The following CRTAC1 variants were observed in gnomAD, a reference collection of about 807,000 sequenced individuals.
The protein encoded by CRTAC1 is acidic secreted protein in cartilage.
Under a neutral mutation model 67.8 loss-of-function variants are expected in CRTAC1, and 37 were observed. The observed-to-expected ratio is 0.55, with a 90% confidence interval of 0.42 to 0.72. The LOEUF is 0.72. Among genes scored for constraint, CRTAC1 ranks in the 30% least tolerant of loss-of-function variants. CRTAC1 has a pLI of 0.00. For missense variants in CRTAC1, 780 were observed against 931.6 expected (o/e 0.84, Z 2.12); for synonymous variants, 348 against 371.0 (o/e 0.94, Z 0.71).
intron 5 of CRTAC1, among the ~76,000 whole-genome samples, chr10:97,910,671 C>T (rs972002652): frequency 1.7e-4 from 26 of 152,200 alleles, no homozygotes; most frequent in Non-Finnish European, 3.1e-4. Context: ...CAGGGGTTCT[C>T]TTGGTCTCTA....
Position 97,943,079 on chromosome 10 carries a change from A to AAAAAGTG in CRTAC1, c.225-6720_225-6714dup, listed in dbSNP as rs2051202624. ...AGAGCAAGACCCTGTCTTCAAAAAAAAAAAGTGAAAAGTGAAAAGAATATA... is the reference window on the plus strand; with the variant it reads ...AGAGCAAGACCCTGTCTTCAAAAAAAAAAAGTGAAAAGTGAAAAGTGAAAAGAATATA... On this transcript the variant is annotated intron_variant, in intron 2 of 14. Transcript: ENST00000370597. Among the ~76,000 whole-genome samples the AAAAAGTG allele has an allele frequency of 2.0e-5, 3 of 152,156 alleles. No homozygotes were observed. In the South Asian group the frequency reaches 6.2e-4, roughly 32 times the overall value.
intron 14 of CRTAC1, chr10:97,867,931 T>TG (rs1277296105): frequency 6.6e-6 from 1 of 152,240 alleles, no homozygotes; most frequent in African/African-American, 2.4e-5. Flanking sequence ...CTGGAATCTT[T>TG]GGGGCACTTG....
chr10:97,865,608 G>A lies in CRTAC1; in HGVS notation c.1926C>T (p.Leu642=), dbSNP rs901352162. The A allele has an allele frequency of 5.0e-6, 8 of 1,613,570 alleles. No homozygotes were observed. Among genetic ancestry groups the A allele is most frequent in the Middle Eastern group, 3.3e-4 (2 of 6,056 alleles). ...ACCCCAGATTGAGATCTCCATCTAC[G>A]AGGACCGGTGCAGCAGTGGCAGCTC... is the stretch of plus-strand genomic sequence containing the variant. The part of the protein sequence containing the change: ...AAGAATAAPV[L]VDGDLNLGSV... The change falls in exon 15 of 15, where the codon CTC becomes CTT. Residue 642 remains leucine, a synonymous_variant. Coordinates refer to ENST00000370597, the MANE Select transcript of CRTAC1 (RefSeq NM_018058.7).
chr10:98,012,303 G>A (rs888868961), intron 1 of CRTAC1, among the ~76,000 whole-genome samples: 1 of 152,084 alleles, frequency 6.6e-6, no homozygotes, highest in Non-Finnish European at 1.5e-5. Context: ...GGAGGTGGAG[G>A]GATTCCACCC....
chr10:97,941,000 A>G (rs762033762), intron 2 of CRTAC1, among the ~76,000 whole-genome samples: 1 of 152,178 alleles, frequency 6.6e-6, no homozygotes, highest in South Asian at 2.1e-4. Context: ...CTTTATTCCC[A>G]TGTAAAACCA....
chr10:97,943,496 C>T (rs190217430), intron 2 of CRTAC1, among the ~76,000 whole-genome samples: 6 of 152,300 alleles, frequency 3.9e-5, no homozygotes, highest in South Asian at 4.2e-4. Context: ...TTCCTCTAAA[C>T]GTTTTTAAAA....
intron 3 of CRTAC1, among the ~76,000 whole-genome samples, chr10:97,932,754 G>A (rs750632068): frequency 1.7e-4 from 26 of 152,316 alleles, no homozygotes; most frequent in South Asian, 4.1e-4. Context: ...TGCTGTAAGC[G>A]ATGGGAAGGG....
intron 14 of CRTAC1, chr10:97,878,459 T>TG (rs2050171833): frequency 6.8e-6 from 3 of 440,272 alleles, no homozygotes; most frequent in South Asian, 3.6e-5. Flanking sequence ...GCTTTTTTTT[T>TG]GTTGAATATG....
intron 2 of CRTAC1, among the ~76,000 whole-genome samples, chr10:97,956,130 T>G (rs192378758): frequency 6.6e-6 from 1 of 152,204 alleles, no homozygotes; most frequent in Non-Finnish European, 1.5e-5. Flanking sequence ...AGGAGGCAAG[T>G]TGACTGACAC....
chr10:97,981,035 C>G (rs1482106179), intron 2 of CRTAC1, among the ~76,000 whole-genome samples: 1 of 152,098 alleles, frequency 6.6e-6, no homozygotes, highest in Non-Finnish European at 1.5e-5. Flanking sequence ...CATCAAACAG[C>G]TGAAAAAATA....
intron 2 of CRTAC1, among the ~76,000 whole-genome samples, chr10:97,948,122 A>C (rs961153832): frequency 2.0e-5 from 3 of 152,020 alleles, no homozygotes; most frequent in Admixed American, 6.5e-5. Context: ...AAAAAAAAAA[A>C]AACTCTTCTG....
intron 11 of CRTAC1, among the ~76,000 whole-genome samples, chr10:97,889,236 T>C (rs2050329584): frequency 6.6e-6 from 1 of 151,868 alleles, no homozygotes; most frequent in South Asian, 2.1e-4. Context: ...GTTGTTTTTA[T>C]TTTCCGGGTT....
chr10:98,013,631 G>A (rs1842948633), intron 1 of CRTAC1, among the ~76,000 whole-genome samples: 1 of 152,190 alleles, frequency 6.6e-6, no homozygotes, highest in Non-Finnish European at 1.5e-5. Flanking sequence ...AAGGTTTGGA[G>A]TTCTCTAAAG....
rs769489292 is a variant in CRTAC1 at position 97,880,343 on chromosome 10, G to A, written c.1725C>T (p.Pro575=). The A allele has an allele frequency of 8.7e-6, 14 of 1,614,052 alleles. No homozygotes were observed. Among genetic ancestry groups the A allele is most frequent in the African/African-American group, 5.3e-5 (4 of 74,932 alleles). The part of the protein sequence containing the change: ...QFPFVCPRDK[P]VCVNTYGSYR... Reference sequence around the variant, plus strand: ...AGCTTCCATAGGTGTTGACACATACGGGCTTGTCTCGAGGGCACACGAATG... The same window carrying A: ...AGCTTCCATAGGTGTTGACACATACAGGCTTGTCTCGAGGGCACACGAATG... The change falls in exon 14 of 15, where the codon CCC becomes CCT. Residue 575 remains proline (P), a synonymous_variant. Coordinates refer to ENST00000370597, the MANE Select transcript of CRTAC1 (RefSeq NM_018058.7).
At chr10:97,987,561 A>G (rs183572033) in intron 2 of CRTAC1, among the ~76,000 whole-genome samples, 1 of 152,380 alleles carries the variant, frequency 6.6e-6, no homozygotes, top group East Asian at 1.9e-4. Context: ...TGGAGAAGGC[A>G]TGCCAACAGC....
At chr10:97,879,413 C>T (rs1300436913) in intron 14 of CRTAC1, among the ~76,000 whole-genome samples, 2 of 152,296 alleles carry the variant, frequency 1.3e-5, no homozygotes, top group Non-Finnish European at 2.9e-5. Flanking sequence ...CTTGATTCTT[C>T]TGAAGGAGTG....
chr10:98,017,036 G>A (rs1843012506), intron 1 of CRTAC1, among the ~76,000 whole-genome samples: 1 of 152,114 alleles, frequency 6.6e-6, no homozygotes, highest in Non-Finnish European at 1.5e-5. Flanking sequence ...TGGGGAGAAT[G>A]GTAGAAAGGT....
intron 2 of CRTAC1, among the ~76,000 whole-genome samples, chr10:97,949,533 A>C (rs1169722683): frequency 6.6e-6 from 1 of 152,244 alleles, no homozygotes; most frequent in African/African-American, 2.4e-5. Flanking sequence ...GCCTTCCCCC[A>C]ACCCTACGGA....
At chr10:97,972,166 G>A (rs1190502838) in intron 2 of CRTAC1, among the ~76,000 whole-genome samples, 1 of 152,178 alleles carries the variant, frequency 6.6e-6, no homozygotes, top group East Asian at 1.9e-4. Flanking sequence ...AAGGTACAAT[G>A]CACCACCAGA....
Sources: allele counts gnomAD v4.1 joint callset (sites outside exome capture counted in the v4.1 genomes callset), GRCh38; gene constraint gnomAD v4.1.1; transcripts MANE v1.5; gene names NCBI Gene and HGNC (gene_info 2026-07-23, HGNC 2026-07-21).